Variants in ABCG1 observed in about 807,000 individuals in gnomAD.
ABCG1 encodes ATP binding cassette subfamily G member 1, also known as ATP-binding cassette sub-family G member 1.
ABCG1 carries 29 observed loss-of-function variants against 69.2 expected under a neutral mutation model. The ratio of observed to expected loss-of-function variants is 0.42; its 90% CI spans 0.31 to 0.57. ABCG1 has a LOEUF of 0.57. Among genes scored for constraint, ABCG1 ranks in the 20% least tolerant of loss-of-function variants. The probability of loss-of-function intolerance (pLI) is 0.15; values close to 1 mark genes in which losing one functional copy is unlikely to be tolerated. For missense variants in ABCG1, 718 were observed against 898.1 expected, an observed-to-expected ratio of 0.80 and a Z score of 2.56; for synonymous variants, 370 against 374.8, an observed-to-expected ratio of 0.99 and a Z score of 0.15.
rs1490238144 is a variant in ABCG1 at position 42,287,043 on chromosome 21, G to A, written c.974-846G>A. Among the ~76,000 whole-genome samples, 1 of 152,246 alleles carries A rather than the reference G, an allele frequency of 6.6e-6. No individual in the cohort carries two copies. The highest frequency in any genetic ancestry group is 1.5e-5 in the Non-Finnish European group (1 of 68,040). On this transcript the variant is annotated intron_variant, in intron 8 of 14. Coordinates refer to ENST00000398449, the MANE Select transcript of ABCG1 (RefSeq NM_016818.3). This position sits in a 1 kb window ranked among gnomAD's most constrained non-coding sequence, Gnocchi z 6.2. ...CCAGCTGGGAGGAAGCGGGTAGCTGGCTCTGCCAGAGGGAAGTGCGGAAAA... is the reference window on the plus strand; with the variant it reads ...CCAGCTGGGAGGAAGCGGGTAGCTGACTCTGCCAGAGGGAAGTGCGGAAAA...
chr21:42,274,034 C>T (rs1242300594), intron 4 of ABCG1, among the ~76,000 whole-genome samples: 1 of 152,246 alleles, frequency 6.6e-6, no homozygotes, highest in Admixed American at 6.5e-5. Context: ...CCCAGGGTCA[C>T]ACGGCTGCTG....
intron 2 of ABCG1, among the ~76,000 whole-genome samples, chr21:42,268,396 C>CGCGT (rs897655638): frequency 4.4e-5 from 4 of 91,652 alleles, no homozygotes; most frequent in African/African-American, 1.4e-4. Context: ...TGTGCGCGCG[C>CGCGT]GCGCTGGATA....
In ABCG1 at chr21:42,284,614, T is replaced by A; in HGVS notation, c.789T>A (p.Ala263=). ...TGGTCTCGCTGATGAAAGGGCTCGC[T>A]CAAGGGGGTCGCTCCATCATTTGCA... ...FQVVSLMKGL[A]QGGRSIICTI... is the part of the protein sequence containing the mutation. The change falls in exon 7 of 15, where the codon GCT becomes GCA. Residue 263 remains alanine (A), a synonymous_variant. Coordinates refer to ENST00000398449, the MANE Select transcript of ABCG1 (RefSeq NM_016818.3). The A allele has an allele frequency of 6.2e-7, 1 of 1,613,944 alleles. No homozygotes were observed. Among genetic ancestry groups the A allele is most frequent in the Non-Finnish European group, 8.5e-7 (1 of 1,179,998 alleles).
At chr21:42,212,359 T>A (rs1302970732), upstream of ABCG1, among the ~76,000 whole-genome samples, 1 of 152,084 alleles carries the variant, frequency 6.6e-6, no homozygotes, top group Non-Finnish European at 1.5e-5. Context: ...TAAAGGGTGA[T>A]CCTAGTGAGG....
chr21:42,289,930 G>A, intron 10 of ABCG1, 120 bp from the exon 11 acceptor site: 1 of 1,081,152 alleles, frequency 9.2e-7, no homozygotes, highest in East Asian at 2.6e-5. Context: ...ACAGGATAAA[G>A]TCTAAGACGT....
At chr21:42,241,291 A>C (rs947541594) in intron 2 of ABCG1, among the ~76,000 whole-genome samples, 1 of 152,154 alleles carries the variant, frequency 6.6e-6, no homozygotes, top group African/African-American at 2.4e-5. Flanking sequence ...CATAAACAGA[A>C]ACGGGGAAAT....
At chr21:42,213,654 G>A (rs1019692348), upstream of ABCG1, among the ~76,000 whole-genome samples, 5 of 152,260 alleles carry the variant, frequency 3.3e-5, no homozygotes, top group Non-Finnish European at 7.3e-5. Flanking sequence ...CCATGTAGGA[G>A]GTGCCACCCA....
intron 1 of ABCG1, chr21:42,201,460 G>A (rs2067505684): frequency 1.7e-6 from 1 of 591,906 alleles, no homozygotes; most frequent in Admixed American, 3.1e-5. Flanking sequence ...ATTCCTAACG[G>A]GCCACGGACT....
chr21:42,216,404 G>A (rs931482667), upstream of ABCG1, among the ~76,000 whole-genome samples: 5 of 152,190 alleles, frequency 3.3e-5, no homozygotes. Context: ...GTTCTACTTA[G>A]AATGCCTCGA....
intron 13 of ABCG1, among the ~76,000 whole-genome samples, chr21:42,293,126 CCA>C (rs1216568532): frequency 7.5e-6 from 1 of 132,660 alleles, no homozygotes. Flanking sequence ...ACTACACACA[CCA>C]CACACTACAC....
rs562510194 is a variant in ABCG1, at chr21:42,292,041, C to T, written c.1653+385C>T. Among the ~76,000 whole-genome samples the T allele has an allele frequency of 3.3e-5, 5 of 152,268 alleles. No individual in the cohort carries two copies. In the South Asian group the frequency reaches 1.0e-3, roughly 32 times the overall value. ...GCTGACTCGGGAGCCAAGCTCCCAA[C>T]ACCTATGCATCACTGCCTCTGTGGG... On this transcript the variant is annotated intron_variant, in intron 13 of 14. Coordinates refer to ENST00000398449, the MANE Select transcript of ABCG1 (RefSeq NM_016818.3).
In ABCG1 at chr21:42,289,938, C is replaced by T. The variant is rs115305569; in HGVS notation, c.1225-112C>T. ...GGAGAAGACAGGATAAAGTCTAAGA[C>T]GTGCTGTCACAGAGTTCAGGGTCCC... On this transcript the variant is annotated intron_variant, in intron 10 of 14. Coordinates refer to ENST00000398449, the MANE Select transcript of ABCG1 (RefSeq NM_016818.3). The T allele has an allele frequency of 9.7e-4, 1,134 of 1,168,480 alleles. 7 individuals are homozygous for T. In the African/African-American group the frequency reaches 0.014, roughly 14 times the overall value. The allele number at this position is 1,168,480 out of a possible 1,614,324, so 72.4% of individuals were successfully genotyped here. A position where few individuals can be genotyped will look rare whatever the true frequency, so the allele number is the denominator to read the frequency against.
At chr21:42,216,129 T>C (rs1335097504), upstream of ABCG1, 5 of 452,122 alleles carry the variant, frequency 1.1e-5, no homozygotes, top group Admixed American at 7.1e-5. Context: ...TCTGCCGCCA[T>C]GTGAGACATG....
At chr21:42,205,018 G>GTTTTTT (rs746194754) in intron 2 of ABCG1, among the ~76,000 whole-genome samples, 11 of 135,252 alleles carry the variant, frequency 8.1e-5, no homozygotes, top group African/African-American at 2.7e-4. Context: ...TGTTTTTGTT[G>GTTTTTT]TTTTTTTTTT....
rs1395636426 is a variant in ABCG1 at position 42,288,880 on chromosome 21, CG to C, written c.1224+572del. 6.6e-6 allele frequency among the ~76,000 whole-genome samples: 1 copy of C among 151,892 alleles called. No individual in the cohort carries two copies. The highest frequency in any genetic ancestry group is 2.4e-5 in the African/African-American group (1 of 41,296). ...CTGCAGGCTGTGTAAGAAGCATGGCCGGGGAGCCCTCAGGAAACTTTCAATC... is the reference window on the plus strand; with the variant it reads ...CTGCAGGCTGTGTAAGAAGCATGGCCGGGAGCCCTCAGGAAACTTTCAATC... On this transcript the variant is annotated intron_variant, in intron 10 of 14. Transcript: ENST00000398449. This position sits in a 1 kb window ranked among gnomAD's most constrained non-coding sequence, Gnocchi z 4.8.
chr21:42,284,827 G>T, intron 7 of ABCG1, 144 bp downstream of exon 7: 1 of 1,135,074 alleles, frequency 8.8e-7, no homozygotes, highest in Non-Finnish European at 1.2e-6. Flanking sequence ...ACAGCCTTCT[G>T]TTAGCTCATG....
chr21:42,275,038 T>G (rs139146642), intron 4 of ABCG1, among the ~76,000 whole-genome samples: 188 of 152,220 alleles, frequency 1.2e-3, no homozygotes, highest in African/African-American at 4.2e-3. Context: ...GCTCTGTGCT[T>G]TGGTCAGTAG....
intron 2 of ABCG1, among the ~76,000 whole-genome samples, chr21:42,231,093 T>C (rs1159294506): frequency 1.3e-5 from 2 of 152,252 alleles, no homozygotes; most frequent in African/African-American, 4.8e-5. Flanking sequence ...TGCTTGGATG[T>C]CAGCGGCCAT....
At chr21:42,236,738 C>A (rs2067983485) in intron 2 of ABCG1, among the ~76,000 whole-genome samples, 1 of 152,222 alleles carries the variant, frequency 6.6e-6, no homozygotes, top group South Asian at 2.1e-4. Flanking sequence ...ACACAGGAAA[C>A]CAGAGATGGT....
Sources: gnomAD v4.1 joint callset for allele counts (sites outside exome capture counted in the v4.1 genomes callset) on GRCh38, gnomAD v4.1.1 for gene constraint, Gnocchi (gnomAD v3.1) non-coding constraint, MANE v1.5 for transcripts, NCBI Gene and HGNC (gene_info 2026-07-23, HGNC 2026-07-21) for gene names.